STXBP5: variants seen among roughly 807,000 people sequenced by gnomAD.
STXBP5 encodes the protein syntaxin binding protein 5, also known as syntaxin-binding protein 5.
Under a neutral mutation model 152.4 loss-of-function variants are expected in STXBP5, and 50 were observed. The ratio of observed to expected loss-of-function variants is 0.33; its 90% CI spans 0.26 to 0.42. The LOEUF (loss-of-function observed/expected upper bound fraction) is 0.42. Ranked by LOEUF, STXBP5 falls within the 10% of genes least tolerant of loss-of-function variation. The probability of loss-of-function intolerance (pLI) is 1.00; values close to 1 mark genes in which losing one functional copy is unlikely to be tolerated. For synonymous variants in STXBP5, 492 were observed against 494.7 expected (o/e 0.99, Z 0.07); for missense variants, 1,167 against 1,388.6 (o/e 0.84, Z 2.54).
chr6:147,379,523 T>C (rs1329865515), intron 26 of STXBP5, among the ~76,000 whole-genome samples: 1 of 152,192 alleles, frequency 6.6e-6, no homozygotes, highest in Non-Finnish European at 1.5e-5. Flanking sequence ...TATACACATA[T>C]ACACTTAATA....
At chr6:147,226,382 A>G (rs567416360) in intron 2 of STXBP5, among the ~76,000 whole-genome samples, 64 of 152,194 alleles carry the variant, frequency 4.2e-4, no homozygotes, top group Admixed American at 1.2e-3. Flanking sequence ...AGTGTCTGCT[A>G]TGTGTCATAC....
intron 9 of STXBP5, 113 bp downstream of exon 9, chr6:147,291,285 T>A: frequency 1.5e-6 from 1 of 652,454 alleles, no homozygotes; most frequent in Non-Finnish European, 2.3e-6. Context: ...ACACCATTCT[T>A]AAATTTTATG....
chr6:147,369,700 A>C (rs1279278562), intron 25 of STXBP5, among the ~76,000 whole-genome samples: 1 of 152,060 alleles, frequency 6.6e-6, no homozygotes, highest in East Asian at 1.9e-4. Flanking sequence ...ATTATTTATC[A>C]TTAGAGAACT....
At position 147,265,267 on chromosome 6, in the gene STXBP5, ATAGT is replaced by A. The variant is rs965744268; in HGVS notation, c.631-1812_631-1809del. ...AGGAAAACTTATTTTGTTAGTTTTGATAGTTAGTCCCTCCAGCTGCCCCTGTACT... is the reference window on the plus strand; with the variant it reads ...AGGAAAACTTATTTTGTTAGTTTTGATAGTCCCTCCAGCTGCCCCTGTACT... On this transcript the variant is annotated intron_variant, in intron 6 of 27. Transcript: ENST00000321680. 1.6e-4 allele frequency among the ~76,000 whole-genome samples: 24 copies of A among 152,202 alleles called. 1 individual carries two copies. Among genetic ancestry groups the A allele is most frequent in the African/African-American group, 2.2e-4 (9 of 41,542 alleles).
chr6:147,273,740 A>G (rs562345159), intron 7 of STXBP5, among the ~76,000 whole-genome samples: 2 of 152,302 alleles, frequency 1.3e-5, no homozygotes, highest in East Asian at 3.9e-4. Flanking sequence ...TCACGAGGTC[A>G]GGAGATCGAG....
chr6:147,358,230 C>CA (rs1784897088), intron 22 of STXBP5, among the ~76,000 whole-genome samples: 1 of 151,588 alleles, frequency 6.6e-6, no homozygotes, highest in African/African-American at 2.4e-5. Flanking sequence ...AAAGATCCAT[C>CA]ATACAGTAAA....
chr6:147,230,703 T>C (rs951306824), intron 2 of STXBP5, among the ~76,000 whole-genome samples: 3 of 151,648 alleles, frequency 2.0e-5, no homozygotes, highest in Admixed American at 1.3e-4. Context: ...GCATGTATGC[T>C]ATAAGGGTTG....
chr6:147,356,745 C>T (rs912908477), intron 22 of STXBP5, among the ~76,000 whole-genome samples: 2 of 152,042 alleles, frequency 1.3e-5, no homozygotes, highest in Non-Finnish European at 2.9e-5. Flanking sequence ...TTGCAAAAAA[C>T]TTCTTGTAAG....
intron 21 of STXBP5, 122 bp downstream of exon 21, chr6:147,339,506 A>G (rs1783995048): frequency 1.4e-6 from 1 of 711,320 alleles, no homozygotes; most frequent in Non-Finnish European, 2.1e-6. Context: ...CTAAAAAAAT[A>G]ATCTCTTGGG....
chr6:147,309,844 T>C (rs768800063), intron 9 of STXBP5, among the ~76,000 whole-genome samples: 6 of 152,104 alleles, frequency 3.9e-5, no homozygotes, highest in Non-Finnish European at 8.8e-5. Context: ...AGATAAAGTT[T>C]TAGGGAGGTA....
chr6:147,333,335 A>C (rs1562252008), intron 18 of STXBP5, among the ~76,000 whole-genome samples: 1 of 152,136 alleles, frequency 6.6e-6, no homozygotes, highest in Non-Finnish European at 1.5e-5. Context: ...CAACCTGGCC[A>C]ACATGGTGAA....
intron 15 of STXBP5, among the ~76,000 whole-genome samples, 190 bp from the exon 16 acceptor site, chr6:147,316,039 T>C (rs1375791068): frequency 6.6e-6 from 1 of 152,210 alleles, no homozygotes; most frequent in Non-Finnish European, 1.5e-5. Context: ...CGTTTGTGTG[T>C]GTACTCCCTG....
chr6:147,213,461 T>TGCGC (rs1776978438), intron 2 of STXBP5, among the ~76,000 whole-genome samples: 1 of 144,236 alleles, frequency 6.9e-6, no homozygotes, highest in African/African-American at 2.7e-5. Flanking sequence ...TGTGTGTGTG[T>TGCGC]GTGTGTGTGT....
intron 25 of STXBP5, among the ~76,000 whole-genome samples, chr6:147,366,218 C>T (rs1212535481): frequency 6.6e-6 from 1 of 152,162 alleles, no homozygotes; most frequent in African/African-American, 2.4e-5. Context: ...ACCATACGTG[C>T]TATTCAGCAC....
At chr6:147,327,085 T>C (rs201062937) in intron 17 of STXBP5, 40 bp from the exon 18 acceptor site, 848 of 1,587,434 alleles carry the variant, frequency 5.3e-4, no homozygotes, top group Non-Finnish European at 6.9e-4. Context: ...TTTGGAATTA[T>C]TTGTTTGTGC....
At chr6:147,288,981 C>T (rs77038093) in intron 8 of STXBP5, among the ~76,000 whole-genome samples, 6,102 of 152,200 alleles carry the variant, frequency 0.04, 309 homozygotes, top group East Asian at 0.15. Flanking sequence ...TTCGTACACA[C>T]GTCCATCTGA....
chr6:147,368,292 A>G (rs1176770798), intron 25 of STXBP5, among the ~76,000 whole-genome samples: 1 of 152,182 alleles, frequency 6.6e-6, no homozygotes, highest in Non-Finnish European at 1.5e-5. Flanking sequence ...TGAATTCAGC[A>G]ATATATCAAA....
At chr6:147,259,343 T>C (rs1253192077) in intron 4 of STXBP5, among the ~76,000 whole-genome samples, 2 of 152,182 alleles carry the variant, frequency 1.3e-5, no homozygotes, top group Non-Finnish European at 2.9e-5. Flanking sequence ...AAAGTGAGCC[T>C]TGTGAGTAAC....
chr6:147,206,460 A>G (rs2115010390), intron 2 of STXBP5, among the ~76,000 whole-genome samples: 1 of 152,340 alleles, frequency 6.6e-6, no homozygotes, highest in Middle Eastern at 3.4e-3. Context: ...TATTGAACTT[A>G]TGACCTATTC....
Sources: gnomAD v4.1 joint callset for allele counts (sites outside exome capture counted in the v4.1 genomes callset) on GRCh38, gnomAD v4.1.1 for gene constraint, MANE v1.5 for transcripts, NCBI Gene and HGNC (gene_info 2026-07-23, HGNC 2026-07-21) for gene names.